RGS7: variants seen among roughly 807,000 people sequenced by gnomAD.
RGS7 encodes regulator of G-protein signaling 7.
In RGS7, 27 loss-of-function variants were observed where a neutral mutation model predicts 81.1. The observed-to-expected ratio is 0.33, with a 90% confidence interval of 0.25 to 0.46. The LOEUF is 0.46. Among genes scored for constraint, RGS7 ranks in the 20% least tolerant of loss-of-function variants. The pLI is 1.00. For missense variants in RGS7, 396 were observed against 607.4 expected (o/e 0.65, Z 3.66); for synonymous variants, 208 against 207.7 (o/e 1.00, Z -0.01).
At chr1:241,061,514 T>C (rs1024081344) in intron 3 of RGS7, among the ~76,000 whole-genome samples, 1 of 152,196 alleles carries the variant, frequency 6.6e-6, no homozygotes, top group Non-Finnish European at 1.5e-5. Flanking sequence ...GGTTACACAA[T>C]AGTTTGGTCT....
chr1:241,107,574 A>G (rs1306986017), intron 2 of RGS7, among the ~76,000 whole-genome samples: 1 of 152,180 alleles, frequency 6.6e-6, no homozygotes, highest in Non-Finnish European at 1.5e-5. Context: ...AAAATGTTGC[A>G]ACTCTGTTAA....
chr1:240,992,510 TAAAC>T (rs1168364505), intron 3 of RGS7, among the ~76,000 whole-genome samples: 1 of 151,710 alleles, frequency 6.6e-6, no homozygotes, highest in Non-Finnish European at 1.5e-5. Flanking sequence ...TCTCACAAAA[TAAAC>T]AAAAACAAAA....
chr1:240,891,518 A>G (rs377136560), intron 6 of RGS7, among the ~76,000 whole-genome samples: 1 of 152,220 alleles, frequency 6.6e-6, no homozygotes. Flanking sequence ...TAAGTAAGAA[A>G]TTAAAATGAA....
intron 2 of RGS7, among the ~76,000 whole-genome samples, chr1:241,355,361 T>A (rs1377355698): frequency 6.6e-6 from 1 of 152,202 alleles, no homozygotes; most frequent in Admixed American, 6.5e-5. Context: ...AAAGGGGGTA[T>A]AAGAAAAAGC....
intron 3 of RGS7, among the ~76,000 whole-genome samples, chr1:241,096,573 A>G (rs183846713): frequency 1.5e-4 from 23 of 152,308 alleles, no homozygotes; most frequent in Admixed American, 8.5e-4. Flanking sequence ...AATAGCTACC[A>G]CTGTTATTTT....
chr1:240,872,567 G>C (rs770758855), intron 6 of RGS7, among the ~76,000 whole-genome samples: 1 of 152,222 alleles, frequency 6.6e-6, no homozygotes, highest in South Asian at 2.1e-4. Flanking sequence ...ATATGCTCTT[G>C]ACCGGATAGG....
Position 240,860,576 on chromosome 1 carries a change from T to TAC in RGS7, c.609+8009_609+8010dup, listed in dbSNP as rs1662018760. Among the ~76,000 whole-genome samples, 3 of 152,252 alleles carry TAC rather than the reference T, an allele frequency of 2.0e-5. No homozygotes were observed. In the South Asian group the frequency reaches 6.2e-4, roughly 32 times the overall value. The stretch of plus-strand genomic sequence containing the variant: ...TTAACTTCATATTTTAATGGATTTG[T>TAC]ACACACACAGGCACACACACGCTTG... On this transcript the variant is annotated intron_variant, in intron 9 of 18. Coordinates refer to ENST00000440928, the MANE Select transcript of RGS7 (RefSeq NM_001364886.1).
intron 6 of RGS7, among the ~76,000 whole-genome samples, chr1:240,925,834 T>C (rs1674346249): frequency 6.6e-6 from 1 of 152,224 alleles, no homozygotes; most frequent in Non-Finnish European, 1.5e-5. Flanking sequence ...TGGTGTGAGA[T>C]CGTATATCAT....
intron 2 of RGS7, among the ~76,000 whole-genome samples, chr1:241,170,289 T>G (rs982507361): frequency 2.6e-5 from 4 of 152,218 alleles, no homozygotes; most frequent in African/African-American, 9.6e-5. Flanking sequence ...TTATATGCCT[T>G]TCTCTACTGC....
intron 9 of RGS7, among the ~76,000 whole-genome samples, chr1:240,836,829 G>A (rs1332407754): frequency 1.3e-5 from 2 of 152,176 alleles, no homozygotes; most frequent in African/African-American, 4.8e-5. Context: ...ATCAATTCCT[G>A]AGAATTTGGT....
intron 2 of RGS7, among the ~76,000 whole-genome samples, chr1:241,114,474 T>C (rs1236341108): frequency 6.6e-6 from 1 of 152,158 alleles, no homozygotes; most frequent in African/African-American, 2.4e-5. Flanking sequence ...TTCATTTTGG[T>C]GACCTTCATT....
chr1:241,326,901 C>T (rs1455270384), intron 2 of RGS7, among the ~76,000 whole-genome samples: 1 of 142,536 alleles, frequency 7.0e-6, no homozygotes, highest in Non-Finnish European at 1.5e-5. Context: ...CAGAGTGAGA[C>T]ACTGTCAAAA....
chr1:240,993,543 C>T lies in RGS7; in HGVS notation c.176-10414G>A, dbSNP rs566374396. Among the ~76,000 whole-genome samples the T allele has an allele frequency of 8.6e-4, 131 of 151,938 alleles. 5 individuals carry two copies. The South Asian group carries it at 0.026, about 30-fold the overall frequency. ...GAAACGTCTCTTCATGTCTTTTGAC[C>T]ATTTTCTAATTAATTTTTTTTGCTA... On this transcript the variant is annotated intron_variant, in intron 3 of 18. Coordinates refer to ENST00000440928, the MANE Select transcript of RGS7 (RefSeq NM_001364886.1).
chr1:241,286,025 TC>T (rs2078789167), intron 2 of RGS7, among the ~76,000 whole-genome samples: 1 of 152,252 alleles, frequency 6.6e-6, no homozygotes, highest in South Asian at 2.1e-4. Context: ...TGTTTATTAA[TC>T]ACATCCTTTT....
In RGS7 at chr1:241,230,517, G is replaced by A. The variant is rs372672091; in HGVS notation, c.78+125182C>T. ...TCATGAGCCACCGCACCCGGCCAGG[G>A]CACAAAAACTAATTTTTCTACTAAC... On this transcript the variant is annotated intron_variant, in intron 2 of 18. Coordinates refer to ENST00000440928, the MANE Select transcript of RGS7 (RefSeq NM_001364886.1). 1.6e-4 allele frequency among the ~76,000 whole-genome samples: 25 copies of A among 152,250 alleles called. No homozygotes were observed. In the South Asian group the frequency reaches 3.1e-3, roughly 19 times the overall value.
intron 2 of RGS7, among the ~76,000 whole-genome samples, chr1:241,197,947 ATCT>A (rs2073203232): frequency 6.6e-6 from 1 of 151,764 alleles, no homozygotes; most frequent in East Asian, 1.9e-4. Context: ...TTATCTATCT[ATCT>A]ATCTATCTAT....
At chr1:240,963,253 C>T (rs140629759) in intron 4 of RGS7, among the ~76,000 whole-genome samples, 1 of 152,216 alleles carries the variant, frequency 6.6e-6, no homozygotes, top group African/African-American at 2.4e-5. Context: ...CTATGAGATG[C>T]CCATGAAACG....
intron 3 of RGS7, among the ~76,000 whole-genome samples, chr1:241,007,284 T>C (rs2058727020): frequency 6.6e-6 from 1 of 152,196 alleles, no homozygotes. Flanking sequence ...GAACACATTA[T>C]CGTAAGAACA....
rs141327638 is a variant in RGS7 at position 240,971,811 on chromosome 1, G to A, written c.226+11268C>T. On this transcript the variant is annotated intron_variant, in intron 4 of 18. Transcript: ENST00000440928. ...ACTAGCACTGGAACGATAATAAAGCGGTCATTTTTATTGATCTCCTATGGA... is the reference window on the plus strand; with the variant it reads ...ACTAGCACTGGAACGATAATAAAGCAGTCATTTTTATTGATCTCCTATGGA... 9.8e-4 allele frequency among the ~76,000 whole-genome samples: 149 copies of A among 152,140 alleles called. 1 individual carries two copies. Among genetic ancestry groups the A allele is most frequent in the African/African-American group, 3.2e-3 (131 of 41,482 alleles).
Sources: gnomAD v4.1 joint callset for allele counts (sites outside exome capture counted in the v4.1 genomes callset) on GRCh38, gnomAD v4.1.1 for gene constraint, MANE v1.5 for transcripts, NCBI Gene and HGNC (gene_info 2026-07-23, HGNC 2026-07-21) for gene names.